Variants in IPO5 observed in about 807,000 individuals in gnomAD.
The protein encoded by IPO5 is importin 5.
IPO5 carries 18 observed loss-of-function variants against 143.3 expected under a neutral mutation model. The ratio of observed to expected loss-of-function variants is 0.13; its 90% CI spans 0.09 to 0.19. The LOEUF is 0.19. Among genes scored for constraint, IPO5 ranks in the 10% least tolerant of loss-of-function variants. The probability of loss-of-function intolerance (pLI) is 1.00; values close to 1 mark genes in which losing one functional copy is unlikely to be tolerated. For missense variants in IPO5, 1,013 were observed against 1,336.9 expected (o/e 0.76, Z 3.78); for synonymous variants, 477 against 465.7 (o/e 1.02, Z -0.31).
chr13:98,002,410 C>T, intron 13 of IPO5, 57 bp from the exon 14 acceptor site: 1 of 1,536,674 alleles, frequency 6.5e-7, no homozygotes, highest in Admixed American at 1.9e-5. Context: ...CTCCCTCTAC[C>T]AGAATGACAT....
At chr13:97,969,175 A>ATATATTTTT (rs1234384302) in intron 2 of IPO5, among the ~76,000 whole-genome samples, 25 of 43,906 alleles carry the variant, frequency 5.7e-4, no homozygotes, top group African/African-American at 8.5e-4. Context: ...ATATATATAT[A>ATATATTTTT]TTTTTTTTTT....
intron 18 of IPO5, among the ~76,000 whole-genome samples, chr13:98,009,196 C>T (rs1889503607): frequency 6.6e-6 from 1 of 152,132 alleles, no homozygotes; most frequent in African/African-American, 2.4e-5. Context: ...CATATAAAAT[C>T]ATTAAGAGGT....
At chr13:98,016,690 T>C in intron 24 of IPO5, 39 bp from the exon 25 acceptor site, 1 of 1,101,960 alleles carries the variant, frequency 9.1e-7, no homozygotes, top group Non-Finnish European at 1.3e-6. Context: ...AAATATACTT[T>C]TTAATCCATA....
chr13:97,969,234 A>T (rs1291814001), intron 2 of IPO5, among the ~76,000 whole-genome samples: 2 of 118,148 alleles, frequency 1.7e-5, no homozygotes, highest in Non-Finnish European at 3.2e-5. Context: ...CAGGCTGGTG[A>T]GCAGTGGCGC....
At position 98,023,016 on chromosome 13, in the gene IPO5, C is replaced by T. The variant is rs188527280; in HGVS notation, c.*1194C>T. The T allele has an allele frequency of 2.6e-5, 4 of 152,266 alleles. No homozygotes were observed. Among genetic ancestry groups the T allele is most frequent in the African/African-American group, 7.2e-5 (3 of 41,408 alleles). 9.4% of individuals were successfully genotyped at this position (152,266 alleles called of 1,614,324 possible). On this transcript the variant is annotated 3_prime_UTR_variant, in exon 29 of 29. Coordinates refer to ENST00000651721, the MANE Select transcript of IPO5 (RefSeq NM_002271.6). ...TTTTATAGTTTGTACTAAATTTAACCGTGATATAAAAATGAATTTTATGCA... is the reference window on the plus strand; with the variant it reads ...TTTTATAGTTTGTACTAAATTTAACTGTGATATAAAAATGAATTTTATGCA...
At chr13:97,985,727 C>CTGTTTAAAATGAA (rs1887285811) in intron 6 of IPO5, 114 bp downstream of exon 6, 2 of 716,908 alleles carry the variant, frequency 2.8e-6, no homozygotes, top group Non-Finnish European at 4.7e-6. Flanking sequence ...ACCATTTATT[C>CTGTTTAAAATGAA]TGTTTAAAAT....
intron 11 of IPO5, among the ~76,000 whole-genome samples, chr13:97,995,496 C>G (rs904528835): frequency 5.9e-5 from 9 of 152,092 alleles, no homozygotes; most frequent in Admixed American, 5.9e-4. Flanking sequence ...TGGCTCACAC[C>G]TGCAATCTCA....
intron 3 of IPO5, 76 bp downstream of exon 3, chr13:97,969,906 C>A: frequency 1.7e-6 from 2 of 1,156,014 alleles, no homozygotes; most frequent in East Asian, 2.5e-5. Context: ...GCCATGTTGC[C>A]CAGGCTGGTC....
At chr13:97,979,118 C>T (rs186678352) in intron 4 of IPO5, among the ~76,000 whole-genome samples, 10 of 152,086 alleles carry the variant, frequency 6.6e-5, no homozygotes, top group African/African-American at 2.4e-4. Context: ...ATGAAATAAG[C>T]GTTTTATAAG....
intron 2 of IPO5, among the ~76,000 whole-genome samples, chr13:97,964,492 G>C (rs530565924): frequency 1.5e-5 from 2 of 137,618 alleles, no homozygotes; most frequent in South Asian, 4.7e-4. Flanking sequence ...CTGTCACCCA[G>C]GCTGGAGTGC....
intron 21 of IPO5, among the ~76,000 whole-genome samples, chr13:98,012,749 C>T (rs1486086949): frequency 3.3e-5 from 5 of 151,070 alleles, no homozygotes; most frequent in East Asian, 3.9e-4. Flanking sequence ...GAAACCACAA[C>T]TTCCCAAGTA....
In IPO5 at chr13:98,005,365, T is replaced by A. The variant is rs533111603; in HGVS notation, c.1498-765T>A. Among the ~76,000 whole-genome samples the A allele has an allele frequency of 5.5e-3, 784 of 142,182 alleles. 6 individuals carry two copies. The highest frequency in any genetic ancestry group is 9.0e-3 in the Non-Finnish European group (589 of 65,700). The allele number at this position is 142,182 out of a possible 152,430, so 93.3% of individuals were successfully genotyped here. ...GGGTGTGCCACCACACCTGGCTAATTTTTATTTATTTATTTATTTATTTAT... is the reference window on the plus strand; with the variant it reads ...GGGTGTGCCACCACACCTGGCTAATATTTATTTATTTATTTATTTATTTAT... On this transcript the variant is annotated intron_variant, in intron 16 of 28. Coordinates refer to ENST00000651721, the MANE Select transcript of IPO5 (RefSeq NM_002271.6).
rs144147150 is a variant in IPO5, at chr13:97,980,494, C to A, written c.91-2009C>A. ...GTTCCGCCTGGGCAAGAGTAGGGAG[C>A]CTCAGGATTTATATTAGGTTTTCTG... On this transcript the variant is annotated intron_variant, in intron 4 of 28. Transcript: ENST00000651721. Among the ~76,000 whole-genome samples, 66 of 152,214 alleles carry A rather than the reference C, an allele frequency of 4.3e-4. 1 individual carries two copies. In the East Asian group the frequency reaches 0.012, roughly 29 times the overall value.
intron 2 of IPO5, among the ~76,000 whole-genome samples, chr13:97,969,244 C>T (rs1395412254): frequency 7.5e-5 from 10 of 133,224 alleles, no homozygotes; most frequent in East Asian, 2.4e-4. Flanking sequence ...AGCAGTGGCG[C>T]GATCTCAGCT....
chr13:97,998,557 T>C (rs1054959707), intron 12 of IPO5, among the ~76,000 whole-genome samples: 7 of 152,184 alleles, frequency 4.6e-5, no homozygotes, highest in African/African-American at 1.4e-4. Flanking sequence ...ATTGTACTTA[T>C]TTATTTCAGC....
At chr13:97,965,354 T>C (rs1885241878) in intron 2 of IPO5, among the ~76,000 whole-genome samples, 1 of 151,484 alleles carries the variant, frequency 6.6e-6, no homozygotes, top group African/African-American at 2.4e-5. Context: ...ACTGAAAAAT[T>C]AAAAAAAAAT....
chr13:97,985,677 TAA>T, intron 6 of IPO5, 64 bp downstream of exon 6: 4 of 1,065,210 alleles, frequency 3.8e-6, no homozygotes, highest in South Asian at 2.8e-5. Flanking sequence ...TTTTTTTTTT[TAA>T]TGGAATCTTT....
At chr13:97,967,628 TTC>T (rs1566451342) in intron 2 of IPO5, among the ~76,000 whole-genome samples, 1 of 151,226 alleles carries the variant, frequency 6.6e-6, no homozygotes, top group Non-Finnish European at 1.5e-5. Context: ...TGAAAGTATT[TTC>T]TGTTTGTTTG....
At chr13:98,017,215 A>G (rs1426630770) in intron 25 of IPO5, among the ~76,000 whole-genome samples, 1 of 151,930 alleles carries the variant, frequency 6.6e-6, no homozygotes, top group Non-Finnish European at 1.5e-5. Context: ...ATGTACTACC[A>G]GCAATCATGG....
Sources: allele counts gnomAD v4.1 joint callset (sites outside exome capture counted in the v4.1 genomes callset), GRCh38; gene constraint gnomAD v4.1.1; transcripts MANE v1.5; gene names NCBI Gene and HGNC (gene_info 2026-07-23, HGNC 2026-07-21).